Variants in ZNF608 observed in about 807,000 individuals in gnomAD.
ZNF608 encodes renal carcinoma antigen NY-REN-36.
Under a neutral mutation model 109.0 loss-of-function variants are expected in ZNF608, and 12 were observed. The ratio of observed to expected loss-of-function variants is 0.11; its 90% CI spans 0.07 to 0.18. The LOEUF is 0.18. ZNF608 is among the 10% of genes least tolerant of loss of function. ZNF608 has a pLI of 1.00. For synonymous variants in ZNF608, 732 were observed against 717.4 expected (o/e 1.02, Z -0.33); for missense variants, 1,707 against 1,879.3 (o/e 0.91, Z 1.70).
At chr5:124,685,727 T>C (rs12658714) in intron 3 of ZNF608, among the ~76,000 whole-genome samples, 22,218 of 152,074 alleles carry the variant, frequency 0.15, 1,655 homozygotes, top group East Asian at 0.2. Flanking sequence ...CCAGCCCACC[T>C]GATCCTGAAA....
chr5:124,687,039 A>T (rs1008647240), intron 3 of ZNF608, among the ~76,000 whole-genome samples: 1 of 152,246 alleles, frequency 6.6e-6, no homozygotes, highest in African/African-American at 2.4e-5. Flanking sequence ...AAGTTTCCAC[A>T]TTTCAGTCAA....
chr5:124,707,050 G>A (rs566245100), intron 2 of ZNF608, among the ~76,000 whole-genome samples: 17 of 152,250 alleles, frequency 1.1e-4, no homozygotes, highest in African/African-American at 3.6e-4. Context: ...TATTTTCTCC[G>A]TTCACCTTCT....
chr5:124,637,313 T>A lies in ZNF608; in HGVS notation c.*587A>T, dbSNP rs996159306. On this transcript the variant is annotated 3_prime_UTR_variant, in exon 10 of 10. Coordinates refer to ENST00000513986, the MANE Select transcript of ZNF608 (RefSeq NM_020747.3). ...CCTTCCAAAAGTACTTTTTCCACAATACACAAGTACAAACAGTGACTACAG... is the reference window on the plus strand; with the variant it reads ...CCTTCCAAAAGTACTTTTTCCACAAAACACAAGTACAAACAGTGACTACAG... The A allele has an allele frequency of 2.6e-5, 4 of 152,564 alleles. No homozygotes were observed. The highest frequency in any genetic ancestry group is 9.7e-5 in the African/African-American group (4 of 41,432). 9.5% of individuals were successfully genotyped at this position (152,564 alleles called of 1,614,324 possible).
At chr5:124,742,425 C>T in intron 2 of ZNF608, among the ~76,000 whole-genome samples, 1 of 152,192 alleles carries the variant, frequency 6.6e-6, no homozygotes, top group East Asian at 1.9e-4. Flanking sequence ...CCATTGTGAG[C>T]ACTGGATTAG....
upstream of ZNF608, among the ~76,000 whole-genome samples, chr5:124,747,495 C>T (rs1232060827): frequency 1.3e-5 from 2 of 151,588 alleles, no homozygotes; most frequent in Admixed American, 1.3e-4. Context: ...TTTCACATCA[C>T]GTGAGGATCA....
chr5:124,638,825 T>C, intron 9 of ZNF608: 1 of 1,127,690 alleles, frequency 8.9e-7, no homozygotes, highest in Non-Finnish European at 1.1e-6. Flanking sequence ...CGACTTTATC[T>C]TTAAACATAA....
chr5:124,721,966 A>AAAAAAAAAAAAAAAAAAAAAAAAAAAAAC (rs1753935297), intron 2 of ZNF608, among the ~76,000 whole-genome samples: 1 of 146,890 alleles, frequency 6.8e-6, no homozygotes, highest in Non-Finnish European at 1.5e-5. Flanking sequence ...AAAAAAAAAA[A>AAAAAAAAAAAAAAAAAAAAAAAAAAAAAC]AAAAAAGAAC....
rs543243818 is a variant in ZNF608, at chr5:124,733,599, C to T, written c.906+10485G>A. Among the ~76,000 whole-genome samples, 59 of 152,178 alleles carry T rather than the reference C, an allele frequency of 3.9e-4. No homozygotes were observed. The South Asian group carries it at 0.012, about 31-fold the overall frequency. The stretch of plus-strand genomic sequence containing the variant: ...CCTCATTAAAGGGTAATTAGTGAAC[C>T]CCAGGACTTGAGGGGCTACCACAAT... On this transcript the variant is annotated intron_variant, in intron 2 of 9. Transcript: ENST00000513986.
At chr5:124,651,988 G>T (rs1750807129) in intron 3 of ZNF608, among the ~76,000 whole-genome samples, 2 of 152,222 alleles carry the variant, frequency 1.3e-5, no homozygotes, top group Non-Finnish European at 2.9e-5. Flanking sequence ...ACCGTGCTGC[G>T]CTCCCCGCGC....
At chr5:124,645,393 G>A (rs1483835245) in intron 5 of ZNF608, among the ~76,000 whole-genome samples, 2 of 152,166 alleles carry the variant, frequency 1.3e-5, no homozygotes, top group Non-Finnish European at 2.9e-5. Flanking sequence ...TGGGGAAACT[G>A]AGAATCCTAA....
intron 3 of ZNF608, among the ~76,000 whole-genome samples, chr5:124,695,014 C>T (rs1363215302): frequency 6.6e-6 from 1 of 152,086 alleles, no homozygotes; most frequent in East Asian, 1.9e-4. Flanking sequence ...ACCACTTGAC[C>T]CTTTTTCTCA....
intron 2 of ZNF608, among the ~76,000 whole-genome samples, chr5:124,740,490 T>C (rs974504644): frequency 1.4e-5 from 2 of 147,284 alleles, no homozygotes; most frequent in African/African-American, 5.1e-5. Context: ...CTAGGCAGAA[T>C]TCATATGGGA....
At chr5:124,669,990 G>A (rs13177395) in intron 3 of ZNF608, among the ~76,000 whole-genome samples, 18,652 of 152,244 alleles carry the variant, frequency 0.12, 1,269 homozygotes, top group East Asian at 0.22. Context: ...GCAGGTGGGA[G>A]TAGGATATAT....
At chr5:124,659,686 G>A (rs1316358152) in intron 3 of ZNF608, among the ~76,000 whole-genome samples, 1 of 152,140 alleles carries the variant, frequency 6.6e-6, no homozygotes, top group Non-Finnish European at 1.5e-5. Context: ...AGAGTTCCAG[G>A]TTTAAATGCC....
At chr5:124,708,305 G>C (rs987433470) in intron 2 of ZNF608, among the ~76,000 whole-genome samples, 3 of 152,232 alleles carry the variant, frequency 2.0e-5, no homozygotes, top group Non-Finnish European at 2.9e-5. Context: ...GTATTTTACA[G>C]ATGAGGAAAA....
intron 9 of ZNF608, 95 bp from the exon 10 acceptor site, chr5:124,638,001 A>G: frequency 1.4e-6 from 2 of 1,416,740 alleles, no homozygotes; most frequent in Non-Finnish European, 2.0e-6. Flanking sequence ...CCCAGGCTAG[A>G]GTGCCATGGC....
At chr5:124,653,348 C>T (rs1233244441) in intron 3 of ZNF608, among the ~76,000 whole-genome samples, 1 of 152,200 alleles carries the variant, frequency 6.6e-6, no homozygotes, top group Non-Finnish European at 1.5e-5. Flanking sequence ...AGTCAGTGTT[C>T]TGTTATGTCC....
At chr5:124,653,373 C>G (rs1026636730) in intron 3 of ZNF608, among the ~76,000 whole-genome samples, 1 of 152,160 alleles carries the variant, frequency 6.6e-6, no homozygotes, top group African/African-American at 2.4e-5. Flanking sequence ...TAAAGGGTTT[C>G]CAGGAAGATG....
chr5:124,743,407 A>G (rs991850970), intron 2 of ZNF608, among the ~76,000 whole-genome samples: 3 of 152,212 alleles, frequency 2.0e-5, no homozygotes, highest in African/African-American at 7.2e-5. Context: ...ACAGGGGTAG[A>G]GTGCTAACAG....
Sources: gnomAD v4.1 joint callset for allele counts (sites outside exome capture counted in the v4.1 genomes callset) on GRCh38, gnomAD v4.1.1 for gene constraint, MANE v1.5 for transcripts, NCBI Gene and HGNC (gene_info 2026-07-23, HGNC 2026-07-21) for gene names.